PRKCA: variants seen among roughly 807,000 people sequenced by gnomAD.
PRKCA encodes the protein protein kinase C alpha type.
PRKCA carries 27 observed loss-of-function variants against 87.0 expected under a neutral mutation model. The observed-to-expected ratio is 0.31, with a 90% CI of 0.23 to 0.43. PRKCA has a LOEUF of 0.43. PRKCA is among the 20% of genes least tolerant of loss of function. PRKCA has a pLI of 1.00. For synonymous variants in PRKCA, 329 were observed against 311.1 expected, an observed-to-expected ratio of 1.06 and a Z score of -0.61; for missense variants, 518 against 852.3, an observed-to-expected ratio of 0.61 and a Z score of 4.88.
chr17:66,759,256 T>G (rs1004752955), intron 13 of PRKCA, among the ~76,000 whole-genome samples: 1 of 151,502 alleles, frequency 6.6e-6, no homozygotes, highest in Non-Finnish European at 1.5e-5. Context: ...CTCGGGAGGC[T>G]GAGGCAGGAG....
In PRKCA at chr17:66,412,195, C is replaced by A. The variant is rs535551109; in HGVS notation, c.206-84006C>A. Reference sequence around the variant, plus strand: ...CAGGTGATCCTCCCACCTCAGCCTCCCAAGGCACACACCACCACATCCAGT... The same window carrying A: ...CAGGTGATCCTCCCACCTCAGCCTCACAAGGCACACACCACCACATCCAGT... On this transcript the variant is annotated intron_variant, in intron 2 of 16. Transcript: ENST00000413366. 3.3e-5 allele frequency among the ~76,000 whole-genome samples: 5 copies of A among 152,028 alleles called. No individual in the cohort carries two copies. In the South Asian group the frequency reaches 1.0e-3, roughly 32 times the overall value.
At chr17:66,454,722 C>T (rs1277220478) in intron 2 of PRKCA, among the ~76,000 whole-genome samples, 2 of 152,186 alleles carry the variant, frequency 1.3e-5, no homozygotes, top group African/African-American at 2.4e-5. Context: ...CACCATGATT[C>T]AATTAATAAC....
intron 8 of PRKCA, among the ~76,000 whole-genome samples, chr17:66,713,067 T>TTTG (rs1598891171): frequency 6.9e-6 from 1 of 145,580 alleles, no homozygotes. Flanking sequence ...TTTTTTTTTT[T>TTTG]TTGAGATGGA....
chr17:66,449,294 CAAAA>C (rs961516965), intron 2 of PRKCA, among the ~76,000 whole-genome samples: 2 of 151,268 alleles, frequency 1.3e-5, no homozygotes, highest in African/African-American at 4.9e-5. Context: ...TTCAAAAAAA[CAAAA>C]CAAAACAAAA....
intron 2 of PRKCA, among the ~76,000 whole-genome samples, chr17:66,336,900 T>C (rs898111103): frequency 9.2e-5 from 14 of 151,898 alleles, no homozygotes; most frequent in South Asian, 2.1e-4. Context: ...GTGATTGTCC[T>C]GCCTCAGCCT....
In PRKCA at chr17:66,661,116, C is replaced by T. The variant is rs559064235; in HGVS notation, c.529+15605C>T. Among the ~76,000 whole-genome samples, 12 of 152,290 alleles carry T rather than the reference C, an allele frequency of 7.9e-5. 1 individual carries two copies. The South Asian group carries it at 2.3e-3, about 29-fold the overall frequency. On this transcript the variant is annotated intron_variant, in intron 5 of 16. Transcript: ENST00000413366. ...CTTCATTTGTTTCTTTTCCACAACA[C>T]GTTAGACTTTCTTTGCATTGCAGAA... is the stretch of plus-strand genomic sequence containing the variant.
chr17:66,303,500 G>A (rs879649604), intron 1 of PRKCA, among the ~76,000 whole-genome samples: 37 of 10,636 alleles, frequency 3.5e-3, no homozygotes, highest in East Asian at 0.045. Context: ...GGCGCGTTCG[G>A]GGTGGGGGGG....
At chr17:66,550,793 C>A (rs1049604545) in intron 3 of PRKCA, among the ~76,000 whole-genome samples, 1 of 152,134 alleles carries the variant, frequency 6.6e-6, no homozygotes. Context: ...TGGTGCGATG[C>A]GGGTGGAAAG....
chr17:66,715,727 G>T (rs1011134146), intron 8 of PRKCA, among the ~76,000 whole-genome samples: 2 of 151,988 alleles, frequency 1.3e-5, no homozygotes, highest in Non-Finnish European at 2.9e-5. Context: ...CTACTATAAA[G>T]GATACAGTTT....
chr17:66,424,559 C>T (rs1567822100), intron 2 of PRKCA, among the ~76,000 whole-genome samples: 2 of 39,922 alleles, frequency 5.0e-5, no homozygotes, highest in African/African-American at 1.9e-4. Flanking sequence ...AGAGCACGAC[C>T]CTGTCTCAAA....
chr17:66,720,517 C>G (rs573367114), intron 8 of PRKCA, among the ~76,000 whole-genome samples: 2 of 152,362 alleles, frequency 1.3e-5, no homozygotes, highest in South Asian at 4.1e-4. Context: ...TTGTGGCTTT[C>G]TGCTTCGAAA....
rs183949957 is a variant in PRKCA at position 66,381,972 on chromosome 17, T to C, written c.205+75845T>C. 9.2e-5 allele frequency among the ~76,000 whole-genome samples: 14 copies of C among 152,314 alleles called. No individual in the cohort carries two copies. The East Asian group carries it at 2.7e-3, about 29-fold the overall frequency. On this transcript the variant is annotated intron_variant, in intron 2 of 16. Transcript: ENST00000413366. ...TGTTTCTCAGTGGAGAATAAGGTGC[T>C]CCAAAACCATGGCAGCAAAATACTA...
chr17:66,682,259 A>G (rs1457923084), intron 5 of PRKCA, among the ~76,000 whole-genome samples: 1 of 152,262 alleles, frequency 6.6e-6, no homozygotes, highest in African/African-American at 2.4e-5. Context: ...ATAACCTTCT[A>G]ACCCAGGCTG....
chr17:66,468,645 G>A (rs1454615072), intron 2 of PRKCA, among the ~76,000 whole-genome samples: 1 of 152,160 alleles, frequency 6.6e-6, no homozygotes, highest in Non-Finnish European at 1.5e-5. Flanking sequence ...AATGGAAGGT[G>A]TGGTCTGAAA....
In PRKCA at chr17:66,657,853, T is replaced by C. The variant is rs117228468; in HGVS notation, c.529+12342T>C. 5.1e-4 allele frequency among the ~76,000 whole-genome samples: 78 copies of C among 152,094 alleles called. 2 individuals carry two copies. The East Asian group carries it at 0.014, about 28-fold the overall frequency. On this transcript the variant is annotated intron_variant, in intron 5 of 16. Transcript: ENST00000413366. ...GCTTCTGAAGGATGCTAGTATATAT[T>C]TGAAAAACAAAAAAATCCCAGCATA... is the stretch of plus-strand genomic sequence containing the variant.
At chr17:66,627,249 A>G (rs947925616) in intron 3 of PRKCA, among the ~76,000 whole-genome samples, 2 of 152,172 alleles carry the variant, frequency 1.3e-5, no homozygotes, top group Non-Finnish European at 2.9e-5. Flanking sequence ...TAAGCAAACC[A>G]TGCCAGTGGG....
chr17:66,451,980 G>A (rs556965911), intron 2 of PRKCA, among the ~76,000 whole-genome samples: 10 of 152,286 alleles, frequency 6.6e-5, no homozygotes, highest in Admixed American at 3.3e-4. Context: ...GCAGGACACC[G>A]CCGGGAGGTA....
At chr17:66,648,849 T>G (rs1296217696) in intron 5 of PRKCA, among the ~76,000 whole-genome samples, 1 of 152,098 alleles carries the variant, frequency 6.6e-6, no homozygotes, top group Non-Finnish European at 1.5e-5. Context: ...TCCCAGCACT[T>G]TGGGAGGCCG....
At chr17:66,533,946 A>G (rs1173448576) in intron 3 of PRKCA, among the ~76,000 whole-genome samples, 1 of 152,078 alleles carries the variant, frequency 6.6e-6, no homozygotes, top group Non-Finnish European at 1.5e-5. Flanking sequence ...GTAATGCCAC[A>G]GTGTTTATGG....
Sources: allele counts gnomAD v4.1 joint callset (sites outside exome capture counted in the v4.1 genomes callset), GRCh38; gene constraint gnomAD v4.1.1; transcripts MANE v1.5; gene names NCBI Gene and HGNC (gene_info 2026-07-23, HGNC 2026-07-21).